Variants in TXLNB observed in about 807,000 individuals in gnomAD.
The protein encoded by TXLNB is beta-taxilin.
In TXLNB, 37 loss-of-function variants were observed where a neutral mutation model predicts 57.4. That is an observed-to-expected ratio of 0.64 (90% CI 0.50 to 0.85). The LOEUF (loss-of-function observed/expected upper bound fraction) is 0.85. Ranked by LOEUF, TXLNB falls within the 40% of genes least tolerant of loss-of-function variation. TXLNB has a pLI of 0.00. For missense variants in TXLNB, 848 were observed against 825.6 expected (o/e 1.03, Z -0.33); for synonymous variants, 302 against 309.6 (o/e 0.98, Z 0.26).
At chr6:139,183,563 A>G in the TXLNB span, 2 of 152,250 alleles carry the variant, frequency 1.3e-5, no homozygotes, top group Non-Finnish European at 2.9e-5. Flanking sequence ...TATGAATGGC[A>G]CTTAGACTCT....
At chr6:139,313,077 CT>C in the TXLNB span, among the ~76,000 whole-genome samples, 311 of 145,192 alleles carry the variant, frequency 2.1e-3, no homozygotes, top group East Asian at 3.4e-3. Context: ...GTCTTTCTCT[CT>C]TTTTTTTTTT....
chr6:139,196,365 GTTTT>G, the TXLNB span, among the ~76,000 whole-genome samples: 73 of 38,940 alleles, frequency 1.9e-3, no homozygotes, highest in Admixed American at 2.0e-3. Flanking sequence ...TCCAGATCTG[GTTTT>G]TTTTTTTTTT....
chr6:139,288,323 G>A (rs1777223673), intron 2 of TXLNB, 153 bp downstream of exon 2: 2 of 752,146 alleles, frequency 2.7e-6, no homozygotes, highest in Non-Finnish European at 4.2e-6. Context: ...CCATTGAGGG[G>A]TAAGGGCTGG....
the TXLNB span, among the ~76,000 whole-genome samples, chr6:139,298,805 T>C: frequency 2.0e-5 from 3 of 152,154 alleles, no homozygotes; most frequent in Non-Finnish European, 4.4e-5. Context: ...GGCTTTTGGG[T>C]CATGGAGGCA....
the TXLNB span, chr6:139,177,595 C>G: frequency 6.5e-6 from 1 of 152,798 alleles, no homozygotes; most frequent in Non-Finnish European, 1.5e-5. This position sits in a 1 kb window ranked among gnomAD's most constrained non-coding sequence, Gnocchi z 4.9. Context: ...CTGCAGCACA[C>G]ATGGGCAGGC....
At chr6:139,306,633 C>G in the TXLNB span, among the ~76,000 whole-genome samples, 1 of 152,340 alleles carries the variant, frequency 6.6e-6, no homozygotes, top group East Asian at 1.9e-4. Flanking sequence ...TTCCCGCTTT[C>G]TTCAATTGTT....
chr6:139,229,733 G>A, the TXLNB span, among the ~76,000 whole-genome samples: 8 of 152,286 alleles, frequency 5.3e-5, no homozygotes, highest in Admixed American at 2.6e-4. Context: ...GACACACAGC[G>A]GGTGTGATCA....
chr6:139,190,350 C>T, the TXLNB span, among the ~76,000 whole-genome samples: 3 of 124,242 alleles, frequency 2.4e-5, no homozygotes, highest in South Asian at 7.2e-4. Context: ...CGCTTTATTG[C>T]CCAGGCTGGA....
chr6:139,273,390 C>G (rs1257658071), intron 3 of TXLNB, among the ~76,000 whole-genome samples: 1 of 152,238 alleles, frequency 6.6e-6, no homozygotes, highest in Non-Finnish European at 1.5e-5. Context: ...AGACACCCTA[C>G]AGGTGTTTCA....
At chr6:139,296,042 CT>C (rs912656629), upstream of TXLNB, among the ~76,000 whole-genome samples, 16 of 152,118 alleles carry the variant, frequency 1.1e-4, no homozygotes, top group Admixed American at 2.6e-4. Context: ...TGACCCCCCC[CT>C]CCTCCAGCCT....
chr6:139,165,489 C>T, the TXLNB span, among the ~76,000 whole-genome samples: 9 of 151,884 alleles, frequency 5.9e-5, no homozygotes, highest in Non-Finnish European at 8.8e-5. Context: ...TGTATAATGA[C>T]GTGTATCTGC....
chr6:139,238,897 G>A (rs1021608626), downstream of TXLNB, among the ~76,000 whole-genome samples: 2 of 152,118 alleles, frequency 1.3e-5, no homozygotes, highest in African/African-American at 2.4e-5. Context: ...CTGGTTAGAG[G>A]AGAATGGGCC....
chr6:139,235,520 C>G (rs1458626308), downstream of TXLNB, among the ~76,000 whole-genome samples: 1 of 152,078 alleles, frequency 6.6e-6, no homozygotes, highest in African/African-American at 2.4e-5. Flanking sequence ...GTGTCCCCAC[C>G]CAAATCTCAT....
the TXLNB span, among the ~76,000 whole-genome samples, chr6:139,222,320 A>G: frequency 3.9e-5 from 6 of 152,244 alleles, no homozygotes; most frequent in Admixed American, 1.3e-4. Flanking sequence ...AGCTTATATC[A>G]TGTTTATATC....
the TXLNB span, among the ~76,000 whole-genome samples, chr6:139,183,984 T>C: frequency 6.6e-6 from 1 of 152,332 alleles, no homozygotes; most frequent in East Asian, 1.9e-4. Context: ...GGCAAGAGAC[T>C]TGGAGGACCG....
chr6:139,196,865 A>G, the TXLNB span, among the ~76,000 whole-genome samples: 1 of 152,210 alleles, frequency 6.6e-6, no homozygotes, highest in Non-Finnish European at 1.5e-5. Context: ...AAAATAAATG[A>G]ATTCAAGCCA....
At chr6:139,176,172 G>A in the TXLNB span, among the ~76,000 whole-genome samples, 1 of 152,174 alleles carries the variant, frequency 6.6e-6, no homozygotes, top group African/African-American at 2.4e-5. The surrounding 1 kb of genome is among the most constrained non-coding windows in gnomAD (Gnocchi z 4.5). Flanking sequence ...GGATCAGCAG[G>A]CTGCTTTGGT....
chr6:139,191,205 G>A, the TXLNB span, among the ~76,000 whole-genome samples: 1 of 152,252 alleles, frequency 6.6e-6, no homozygotes, highest in South Asian at 2.1e-4. Context: ...GGATCACCGA[G>A]GTCAGGAGTT....
the TXLNB span, among the ~76,000 whole-genome samples, chr6:139,313,311 A>T: frequency 1.3e-5 from 2 of 151,916 alleles, no homozygotes; most frequent in Admixed American, 6.6e-5. Context: ...TGATCTTGTG[A>T]TCCACCCATC....
Sources: gnomAD v4.1 joint callset for allele counts (sites outside exome capture counted in the v4.1 genomes callset) on GRCh38, gnomAD v4.1.1 for gene constraint, Gnocchi (gnomAD v3.1) non-coding constraint, MANE v1.5 for transcripts, NCBI Gene and HGNC (gene_info 2026-07-23, HGNC 2026-07-21) for gene names.